GEN1: variants seen among roughly 807,000 people sequenced by gnomAD.
GEN1 encodes GEN1 structure-specific endonuclease, also known as flap endonuclease GEN homolog 1.
Under a neutral mutation model 67.6 loss-of-function variants are expected in GEN1, and 64 were observed. The ratio of observed to expected loss-of-function variants is 0.95; its 90% CI spans 0.77 to 1.17. The LOEUF is 1.17. GEN1 is among the 50% of genes most tolerant of loss of function. The pLI, the probability that GEN1 is intolerant of heterozygous loss-of-function variation, is 0.00. For synonymous variants in GEN1, 371 were observed against 359.4 expected, an observed-to-expected ratio of 1.03 and a Z score of -0.37; for missense variants, 1,058 against 1,048.3, an observed-to-expected ratio of 1.01 and a Z score of -0.13.
At chr2:17,767,718 G>T (rs1671998180) in intron 5 of GEN1, among the ~76,000 whole-genome samples, 1 of 152,102 alleles carries the variant, frequency 6.6e-6, no homozygotes, top group Non-Finnish European at 1.5e-5. Context: ...TAGCTACAGT[G>T]GTATTTAAAT....
chr2:17,775,087 T>A (rs569607619), intron 11 of GEN1, among the ~76,000 whole-genome samples: 1 of 152,304 alleles, frequency 6.6e-6, no homozygotes, highest in Admixed American at 6.5e-5. Flanking sequence ...CGGATTAAAT[T>A]AAGTTTTAAA....
Position 17,781,632 on chromosome 2 carries a change from C to T in GEN1, c.2420C>T (p.Ala807Val), listed in dbSNP as rs1220816773. The T allele has an allele frequency of 1.2e-6, 2 of 1,613,986 alleles. No homozygotes were observed. Among genetic ancestry groups the T allele is most frequent in the African/African-American group, 1.3e-5 (1 of 75,034 alleles). Residue 807 changes from alanine to valine, a missense_variant, in exon 14 of 14, where the codon GCC becomes GTC. Physicochemically the swap from Ala to Val is moderately conservative, Grantham distance 64. Transcript: ENST00000381254. ...LDRHSSDEQSAPVFGKAKYTT... is the reference protein window; with the variant it reads ...LDRHSSDEQSVPVFGKAKYTT... ...AGACATTCCTCTGATGAACAAAGTG[C>T]CCCAGTGTTTGGGAAAGCTAAGTAC...
Position 17,761,556 on chromosome 2 carries a change from T to C in GEN1, c.322T>C (p.Ser108Pro). ...ATCGTGGTCTCAGAAAACAGGGAGA[T>C]CACATTTTAAATCAGTCTTAAGAGA... ...GKSWSQKTGR[S>P]HFKSVLRECL... is the part of the protein sequence containing the mutation. Residue 108 changes from serine (S) to proline (P), a missense_variant, in exon 3 of 14, where the codon TCA becomes CCA. By Grantham distance (74) the Ser-to-Pro change is moderately conservative. Coordinates refer to ENST00000381254, the MANE Select transcript of GEN1 (RefSeq NM_001130009.3). 1.9e-6 allele frequency: 3 copies of C among 1,610,314 alleles called. No individual in the cohort carries two copies. Among genetic ancestry groups the C allele is most frequent in the Non-Finnish European group, 2.5e-6 (3 of 1,178,934 alleles).
In GEN1 at chr2:17,778,202, A is replaced by ATGTATACACACATATATG; in HGVS notation, c.1264+142_1264+143insATACACACATATATGTGT. ...TATATATATATACACACACACATATATGTGTATATATATGTATACACACAC... is the reference window on the plus strand; with the variant it reads ...TATATATATATACACACACACATATATGTATACACACATATATGTGTGTATATATATGTATACACACAC... On this transcript the variant is annotated intron_variant, in intron 12 of 13. Coordinates refer to ENST00000381254, the MANE Select transcript of GEN1 (RefSeq NM_001130009.3). 6 of 223,984 alleles carry ATGTATACACACATATATG rather than the reference A, an allele frequency of 2.7e-5. 1 individual carries two copies. In the East Asian group the frequency reaches 3.0e-4, roughly 11 times the overall value. The allele number at this position is 223,984 out of a possible 1,614,324, so 13.9% of individuals were successfully genotyped here.
At position 17,772,927 on chromosome 2, in the gene GEN1, T is replaced by G. The variant is rs1387452360; in HGVS notation, c.953+143T>G. 4.9e-5 allele frequency: 44 copies of G among 906,384 alleles called. 1 individual carries two copies. The Admixed American group carries it at 1.3e-3, about 27-fold the overall frequency. The allele number at this position is 906,384 out of a possible 1,614,324, so 56.1% of individuals were successfully genotyped here. On this transcript the variant is annotated intron_variant, in intron 8 of 13. Transcript: ENST00000381254. The stretch of plus-strand genomic sequence containing the variant: ...TTTTTTTTCATTTCTGTTCAAAAAT[T>G]TAGCTAACCTAGGAGATAGTAATGT...
Position 17,754,211 on chromosome 2 carries a change from A to T in GEN1, c.-150A>T, listed in dbSNP as rs558060374. Reference sequence around the variant, plus strand: ...CGGGGAGCTAGTCTTTGCTTGGGTAAAGAAAGAGGACTTTCCTTTTTTTTT... The same window carrying T: ...CGGGGAGCTAGTCTTTGCTTGGGTATAGAAAGAGGACTTTCCTTTTTTTTT... On this transcript the variant is annotated 5_prime_UTR_variant, in exon 1 of 14. Coordinates refer to ENST00000381254, the MANE Select transcript of GEN1 (RefSeq NM_001130009.3). The T allele has an allele frequency of 6.6e-6, 1 of 151,360 alleles. No individual in the cohort carries two copies. The highest frequency in any genetic ancestry group is 2.1e-4 in the South Asian group (1 of 4,800). 9.4% of individuals were successfully genotyped at this position (151,360 alleles called of 1,614,324 possible).
At chr2:17,766,305 C>G (rs901026240) in intron 4 of GEN1, among the ~76,000 whole-genome samples, 3 of 152,138 alleles carry the variant, frequency 2.0e-5, no homozygotes, top group Non-Finnish European at 4.4e-5. Flanking sequence ...GTAACTGGGA[C>G]TACAGGCACA....
chr2:17,765,049 C>T lies in GEN1; in HGVS notation c.501C>T (p.Tyr167=), dbSNP rs1406088053. ...TCCTTTATGGGGCCCAGACTGTTTA[C>T]AGGAATTTCACTATGAATACAAAGG... ...DTFLYGAQTV[Y]RNFTMNTKDP... The change falls in exon 4 of 14, where the codon TAC becomes TAT. Residue 167 remains tyrosine (Y), a synonymous_variant. Transcript: ENST00000381254. The T allele has an allele frequency of 6.2e-7, 1 of 1,614,068 alleles. No individual in the cohort carries two copies. The highest frequency in any genetic ancestry group is 1.1e-5 in the South Asian group (1 of 91,068).
At chr2:17,763,813 A>T (rs1174850564) in intron 3 of GEN1, among the ~76,000 whole-genome samples, 1 of 152,216 alleles carries the variant, frequency 6.6e-6, no homozygotes, top group African/African-American at 2.4e-5. Flanking sequence ...CTGAAAAGTG[A>T]TATTTTTCAA....
intron 13 of GEN1, 147 bp downstream of exon 13, chr2:17,780,268 A>ACAT: frequency 1.5e-6 from 1 of 685,008 alleles, no homozygotes; most frequent in East Asian, 2.8e-5. Flanking sequence ...CTTTGTCTTC[A>ACAT]CATACTTTCT....
rs1558410211 is a variant in GEN1, at chr2:17,778,457, CA to C, written c.1264+395del. On this transcript the variant is annotated intron_variant, in intron 12 of 13. Coordinates refer to ENST00000381254, the MANE Select transcript of GEN1 (RefSeq NM_001130009.3). ...ATATACACACACATATATGTGTGTA[CA>C]TATATGTATATACACACACAGCATG... 4.6e-3 allele frequency among the ~76,000 whole-genome samples: 93 copies of C among 20,212 alleles called. 18 individuals carry two copies. Among genetic ancestry groups the C allele is most frequent in the African/African-American group, 0.013 (88 of 6,966 alleles). 13.3% of individuals were successfully genotyped at this position (20,212 alleles called of 152,430 possible).
chr2:17,775,036 A>G (rs1672362831), intron 11 of GEN1, among the ~76,000 whole-genome samples: 1 of 152,196 alleles, frequency 6.6e-6, no homozygotes, highest in African/African-American at 2.4e-5. Context: ...ATAAAGAAAT[A>G]TAATATTTTT....
intron 12 of GEN1, among the ~76,000 whole-genome samples, 192 bp downstream of exon 12, chr2:17,778,255 C>CATATATGTGTGT (rs1558408916): frequency 8.2e-6 from 1 of 122,526 alleles, no homozygotes; most frequent in African/African-American, 3.2e-5. Flanking sequence ...TATGTATACA[C>CATATATGTGTGT]ACATATGTGT....
chr2:17,762,356 C>T (rs577613055), intron 3 of GEN1, among the ~76,000 whole-genome samples: 39 of 151,528 alleles, frequency 2.6e-4, no homozygotes, highest in African/African-American at 7.7e-4. Context: ...CGCCCGCCAC[C>T]ACACCTGGCT....
At chr2:17,766,362 G>T (rs1671933038) in intron 4 of GEN1, among the ~76,000 whole-genome samples, 1 of 152,050 alleles carries the variant, frequency 6.6e-6, no homozygotes, top group African/African-American at 2.4e-5. Context: ...TAGAGATGGG[G>T]TTTCACCATG....
intron 6 of GEN1, among the ~76,000 whole-genome samples, chr2:17,770,691 G>A (rs889730178): frequency 6.6e-6 from 1 of 151,934 alleles, no homozygotes; most frequent in Non-Finnish European, 1.5e-5. Flanking sequence ...AAGAGATTAA[G>A]AAATGATTAT....
intron 11 of GEN1, among the ~76,000 whole-genome samples, chr2:17,775,706 AG>A (rs1419471657): frequency 2.0e-5 from 3 of 152,242 alleles, no homozygotes; most frequent in African/African-American, 7.2e-5. Flanking sequence ...TATCTTCAAA[AG>A]TGGAGAAATC....
rs1262382937 is a variant in GEN1, at chr2:17,782,841, AATACCACCAAAT to A, written c.*905_*916del. On this transcript the variant is annotated 3_prime_UTR_variant, in exon 14 of 14. Coordinates refer to ENST00000381254, the MANE Select transcript of GEN1 (RefSeq NM_001130009.3). Reference sequence around the variant, plus strand: ...TTTGAATCTATGCAATATTGACTTTAATACCACCAAATATTAAGTCATGCATTAATTTAGGTC... The same window carrying A: ...TTTGAATCTATGCAATATTGACTTTAATTAAGTCATGCATTAATTTAGGTC... 1.3e-5 allele frequency: 2 copies of A among 152,108 alleles called. No individual in the cohort carries two copies. The highest frequency in any genetic ancestry group is 2.9e-5 in the Non-Finnish European group (2 of 68,028). The allele number at this position is 152,108 out of a possible 1,614,324, so 9.4% of individuals were successfully genotyped here.
rs1672250738 is a variant in GEN1, at chr2:17,772,739, C to T, written c.908C>T (p.Thr303Ile). The change falls in exon 8 of 14, where the codon ACA (threonine) becomes ATA (isoleucine). Residue 303 changes from threonine (T) to isoleucine (I), a missense_variant. Coordinates refer to ENST00000381254, the MANE Select transcript of GEN1 (RefSeq NM_001130009.3). The stretch of plus-strand genomic sequence containing the variant: ...TGCTGTCCTTGTGAGTGGCACCGTA[C>T]AGAACATGATAGGCAACTCAGTGAA... Reference protein sequence around the residue: ...EYCCPCEWHRTEHDRQLSEVE... With the variant: ...EYCCPCEWHRIEHDRQLSEVE... 3 of 1,611,836 alleles carry T rather than the reference C, an allele frequency of 1.9e-6. No homozygotes were observed. The highest frequency in any genetic ancestry group is 2.2e-5 in the East Asian group (1 of 44,788).
Sources: gnomAD v4.1 joint callset for allele counts (sites outside exome capture counted in the v4.1 genomes callset) on GRCh38, gnomAD v4.1.1 for gene constraint, MANE v1.5 for transcripts, NCBI Gene and HGNC (gene_info 2026-07-23, HGNC 2026-07-21) for gene names.